The following PACRG variants were observed in gnomAD, a reference collection of about 807,000 sequenced individuals.
PACRG encodes parkin coregulated.
In PACRG, 29 loss-of-function variants were observed where a neutral mutation model predicts 29.7. The ratio of observed to expected loss-of-function variants is 0.98; its 90% CI spans 0.73 to 1.33. The LOEUF (loss-of-function observed/expected upper bound fraction) is 1.33. Ranked by LOEUF, PACRG falls within the 40% of genes most tolerant of loss-of-function variation. The pLI is 0.00. For synonymous variants in PACRG, 116 were observed against 118.7 expected (o/e 0.98, Z 0.15); for missense variants, 279 against 316.2 (o/e 0.88, Z 0.89).
intron 4 of PACRG, among the ~76,000 whole-genome samples, chr6:163,168,400 C>A (rs978491043): frequency 6.8e-6 from 1 of 146,748 alleles, no homozygotes; most frequent in Non-Finnish European, 1.5e-5. Flanking sequence ...TCCCTGGGGC[C>A]GGGGTTGCGG....
intron 1 of PACRG, among the ~76,000 whole-genome samples, chr6:162,787,580 GTGTATATATATATA>G (rs1170886195): frequency 8.7e-5 from 6 of 69,178 alleles, no homozygotes; most frequent in South Asian, 5.2e-4. Context: ...GTGTGTGTGT[GTGTATATATATATA>G]TATATATATA....
At chr6:163,182,009 G>A (rs1301655895) in intron 4 of PACRG, among the ~76,000 whole-genome samples, 1 of 152,172 alleles carries the variant, frequency 6.6e-6, no homozygotes, top group African/African-American at 2.4e-5. Flanking sequence ...TCCTAATAGC[G>A]TTACCTCTCT....
intron 2 of PACRG, among the ~76,000 whole-genome samples, chr6:162,852,001 G>GGAAGGAAGGAAGGAAAGGAAGGAAGGA (rs1554291923): frequency 6.0e-5 from 6 of 100,064 alleles, no homozygotes; most frequent in Admixed American, 2.0e-4. Context: ...GGGAGGGAGG[G>GGAAGGAAGGAAGGAAAGGAAGGAAGGA]AGGGAGGAAG....
At chr6:163,240,322 G>A (rs1585362517) in intron 4 of PACRG, among the ~76,000 whole-genome samples, 1 of 152,028 alleles carries the variant, frequency 6.6e-6, no homozygotes, top group Non-Finnish European at 1.5e-5. Flanking sequence ...GCTGTGACGG[G>A]GACAGAAAAT....
chr6:162,989,656 A>G (rs1803242505), intron 2 of PACRG, among the ~76,000 whole-genome samples: 1 of 152,086 alleles, frequency 6.6e-6, no homozygotes, highest in African/African-American at 2.4e-5. Context: ...AATATTTTCA[A>G]TCCTTGGATT....
chr6:163,217,759 G>C (rs1781419995), intron 4 of PACRG, among the ~76,000 whole-genome samples: 1 of 151,956 alleles, frequency 6.6e-6, no homozygotes, highest in South Asian at 2.1e-4. Context: ...TGCATCTCAG[G>C]GATCCAGGCT....
intron 1 of PACRG, among the ~76,000 whole-genome samples, chr6:162,806,584 T>G (rs2128348312): frequency 6.6e-6 from 1 of 152,332 alleles, no homozygotes; most frequent in East Asian, 1.9e-4. Flanking sequence ...AGGAGAATAC[T>G]TTGAAAGAAA....
intron 4 of PACRG, among the ~76,000 whole-genome samples, chr6:163,228,465 A>T (rs1337320148): frequency 1.3e-5 from 2 of 151,334 alleles, no homozygotes; most frequent in Non-Finnish European, 2.9e-5. Context: ...CATGTGCTGG[A>T]TTAATTCATT....
chr6:163,304,444 G>A (rs1385450417), intron 4 of PACRG, among the ~76,000 whole-genome samples: 2 of 152,110 alleles, frequency 1.3e-5, no homozygotes, highest in East Asian at 3.9e-4. Context: ...TGATGCCCAC[G>A]ATGAGGTTTA....
At chr6:163,207,649 G>A (rs983653888) in intron 4 of PACRG, among the ~76,000 whole-genome samples, 3 of 152,084 alleles carry the variant, frequency 2.0e-5, no homozygotes, top group Non-Finnish European at 4.4e-5. Flanking sequence ...CACACTTAAC[G>A]CCCAGCACTC....
At chr6:163,141,706 A>G (rs1270557428) in intron 4 of PACRG, among the ~76,000 whole-genome samples, 3 of 152,150 alleles carry the variant, frequency 2.0e-5, no homozygotes, top group African/African-American at 7.2e-5. Context: ...GGGGCATCGT[A>G]GGATAAGAAG....
intron 4 of PACRG, among the ~76,000 whole-genome samples, chr6:163,212,982 G>C (rs1781214702): frequency 6.6e-6 from 1 of 152,102 alleles, no homozygotes; most frequent in Non-Finnish European, 1.5e-5. Flanking sequence ...GTTTCACCTT[G>C]TTAGCCAGGA....
At chr6:162,902,204 T>C (rs1584708775) in intron 2 of PACRG, among the ~76,000 whole-genome samples, 1 of 152,258 alleles carries the variant, frequency 6.6e-6, no homozygotes, top group African/African-American at 2.4e-5. Flanking sequence ...AAATGTATTA[T>C]GTTTATTCTA....
intron 1 of PACRG, among the ~76,000 whole-genome samples, chr6:162,812,998 C>T (rs1025744744): frequency 6.6e-6 from 1 of 151,966 alleles, no homozygotes; most frequent in Non-Finnish European, 1.5e-5. Flanking sequence ...AACTCCACTT[C>T]AGCATTTAAT....
At chr6:163,125,834 A>G (rs149919045) in intron 4 of PACRG, among the ~76,000 whole-genome samples, 180 of 152,344 alleles carry the variant, frequency 1.2e-3, no homozygotes, top group African/African-American at 4.2e-3. Flanking sequence ...ACAAGAAATA[A>G]CAACACAGAT....
At chr6:162,761,464 T>G (rs1421661900) in intron 1 of PACRG, among the ~76,000 whole-genome samples, 1 of 152,204 alleles carries the variant, frequency 6.6e-6, no homozygotes, top group Non-Finnish European at 1.5e-5. Flanking sequence ...CATAGGAAGT[T>G]TTGGTTTTGC....
At position 163,122,998 on chromosome 6, in the gene PACRG, C is replaced by T. The variant is rs372884830; in HGVS notation, c.613+33590C>T. ...CAATGCTATTAACGACAAGGACACCCGTGGAGTGGTTTTAAGGAGCGGAGA... is the reference window on the plus strand; with the variant it reads ...CAATGCTATTAACGACAAGGACACCTGTGGAGTGGTTTTAAGGAGCGGAGA... On this transcript the variant is annotated intron_variant, in intron 4 of 4. Transcript: ENST00000366888. 6.2e-4 allele frequency among the ~76,000 whole-genome samples: 95 copies of T among 152,250 alleles called. 1 individual carries two copies. Among genetic ancestry groups the T allele is most frequent in the African/African-American group, 2.0e-3 (82 of 41,536 alleles).
chr6:163,046,584 C>A (rs1809418973), intron 2 of PACRG: 1 of 152,012 alleles, frequency 6.6e-6, no homozygotes, highest in Non-Finnish European at 1.5e-5. Context: ...CACTACATAC[C>A]AGTGATGGCT....
At chr6:163,215,519 G>A (rs57085630) in intron 4 of PACRG, among the ~76,000 whole-genome samples, 24,679 of 152,122 alleles carry the variant, frequency 0.16, 2,140 homozygotes, top group African/African-American at 0.21. Flanking sequence ...GGATGTTTTA[G>A]GGAAATATGA....
Sources: allele counts gnomAD v4.1 joint callset (sites outside exome capture counted in the v4.1 genomes callset), GRCh38; gene constraint gnomAD v4.1.1; transcripts MANE v1.5; gene names NCBI Gene and HGNC (gene_info 2026-07-23, HGNC 2026-07-21).